The following MED23 variants were observed in gnomAD, a reference collection of about 807,000 sequenced individuals.
The protein encoded by MED23 is mediator complex subunit 23, also known as mediator of RNA polymerase II transcription subunit 23.
MED23 carries 105 observed loss-of-function variants against 163.9 expected under a neutral mutation model. That is an observed-to-expected ratio of 0.64 (90% CI 0.55 to 0.75). The LOEUF (loss-of-function observed/expected upper bound fraction) is 0.75, where lower values mean the gene tolerates loss of function less well. Among genes scored for constraint, MED23 ranks in the 30% least tolerant of loss-of-function variants. The pLI is 0.00. For missense variants in MED23, 1,054 were observed against 1,649.0 expected, an observed-to-expected ratio of 0.64 and a Z score of 6.25; for synonymous variants, 561 against 565.6, an observed-to-expected ratio of 0.99 and a Z score of 0.12.
intron 30 of MED23, among the ~76,000 whole-genome samples, chr6:131,574,658 A>C (rs1032683970): frequency 4.6e-5 from 7 of 152,172 alleles, no homozygotes; most frequent in Admixed American, 3.9e-4. Flanking sequence ...TGGCCAACAT[A>C]TAAGTATTTG....
At chr6:131,619,801 TGGCA>T (rs1776955982) in intron 8 of MED23, 22 bp downstream of exon 8, 1 of 1,517,884 alleles carries the variant, frequency 6.6e-7, no homozygotes, top group Non-Finnish European at 9.1e-7. Flanking sequence ...AGGTACTATT[TGGCA>T]TATTTAAAAT....
At chr6:131,599,163 T>C (rs1282413338) in intron 18 of MED23, among the ~76,000 whole-genome samples, 1 of 152,238 alleles carries the variant, frequency 6.6e-6, no homozygotes, top group East Asian at 1.9e-4. Context: ...GGTATCAGCA[T>C]CATCTGGGTC....
At chr6:131,597,623 T>C in intron 20 of MED23, among the ~76,000 whole-genome samples, 1 of 151,912 alleles carries the variant, frequency 6.6e-6, no homozygotes, top group Non-Finnish European at 1.5e-5. Context: ...CACAGTGACT[T>C]ACTGCTACTT....
Position 131,600,287 on chromosome 6 carries a change from T to C in MED23, c.2096-125A>G, listed in dbSNP as rs1775369200. ...CACTGCAGTGCATTCACTGCTTAAC[T>C]AGTTATATTCAGCTTAGAACCTAAA... On this transcript the variant is annotated intron_variant, in intron 17 of 28. Transcript: ENST00000368068. 7.4e-6 allele frequency: 7 copies of C among 943,076 alleles called. No individual in the cohort carries two copies. The South Asian group carries it at 1.0e-4, about 14-fold the overall frequency. 58.4% of individuals were successfully genotyped at this position (943,076 alleles called of 1,614,324 possible). A position where few individuals can be genotyped will look rare whatever the true frequency, so the allele number is the denominator to read the frequency against.
intron 10 of MED23, among the ~76,000 whole-genome samples, chr6:131,615,503 C>CA (rs917020235): frequency 0.019 from 264 of 14,146 alleles, 72 homozygotes; most frequent in African/African-American, 0.029. Flanking sequence ...AAACACACAC[C>CA]AAAAAAAAAA....
chr6:131,582,602 G>T (rs1340216445), downstream of MED23: 1 of 1,596,978 alleles, frequency 6.3e-7, no homozygotes, highest in Non-Finnish European at 8.6e-7. Flanking sequence ...ATAACCAAGT[G>T]AAAACATTGT....
At chr6:131,584,363 AACACACACACACACACAC>A (rs3138772), downstream of MED23, 2 of 158,306 alleles carry the variant, frequency 1.3e-5, no homozygotes, top group South Asian at 1.7e-4. Flanking sequence ...AAATACATGC[AACACACACACACACACAC>A]ACACACACAC....
At chr6:131,627,738 G>T in intron 1 of MED23, 66 bp from the exon 2 acceptor site, 2 of 1,427,846 alleles carry the variant, frequency 1.4e-6, no homozygotes, top group Non-Finnish European at 2.0e-6. Context: ...CCTTAGCCAA[G>T]TATTACAATG....
In MED23 at chr6:131,609,746, G is replaced by GTA. The variant is rs371814268; in HGVS notation, c.1077+298_1077+299dup. 3.3e-3 allele frequency among the ~76,000 whole-genome samples: 463 copies of GTA among 139,942 alleles called. 1 individual carries two copies. The highest frequency in any genetic ancestry group is 7.1e-3 in the African/African-American group (258 of 36,440). 91.8% of individuals were successfully genotyped at this position (139,942 alleles called of 152,430 possible). A position where few individuals can be genotyped will look rare whatever the true frequency, so the allele number is the denominator to read the frequency against. On this transcript the variant is annotated intron_variant, in intron 11 of 28. Transcript: ENST00000368068. ...TATATACACATACATATATATATAT[G>GTA]TATATATATATATATAAAGTATCCC...
intron 17 of MED23, among the ~76,000 whole-genome samples, chr6:131,601,994 A>AT (rs1775520060): frequency 6.6e-6 from 1 of 152,204 alleles, no homozygotes; most frequent in Non-Finnish European, 1.5e-5. Flanking sequence ...TTACTACTTT[A>AT]AAATTATGGA....
Position 131,594,244 on chromosome 6 carries a change from C to A in MED23, c.3087G>T (p.Ala1029=), listed in dbSNP as rs535835226. ...GATTATCCTTCAGAGAGCCAATGAT[C>A]GCATGGACGAGTTTTCGTTTGAGAA... is the stretch of plus-strand genomic sequence containing the variant. ...RAFLKRKLVH[A]IIGSLKDNRP... The change falls in exon 23 of 29, where the codon GCG becomes GCT. Residue 1029 remains alanine, a synonymous_variant. Coordinates refer to ENST00000368068, the MANE Select transcript of MED23 (RefSeq NM_004830.4). 3.1e-6 allele frequency: 5 copies of A among 1,614,106 alleles called. No homozygotes were observed. The South Asian group carries it at 3.3e-5, about 11-fold the overall frequency.
chr6:131,607,370 C>T (rs1775932348), intron 12 of MED23, among the ~76,000 whole-genome samples: 1 of 151,956 alleles, frequency 6.6e-6, no homozygotes, highest in African/African-American at 2.4e-5. Context: ...CACGGCGAAA[C>T]CCTGTCTCTA....
intron 12 of MED23, 21 bp from the exon 13 acceptor site, chr6:131,606,645 A>G: frequency 6.4e-7 from 1 of 1,564,536 alleles, no homozygotes; most frequent in Non-Finnish European, 8.8e-7. Flanking sequence ...ACAATTTGAA[A>G]AATAACACAA....
intron 11 of MED23, among the ~76,000 whole-genome samples, chr6:131,608,564 A>C (rs1362805152): frequency 6.6e-6 from 1 of 151,656 alleles, no homozygotes; most frequent in East Asian, 1.9e-4. Context: ...TTGTTTATTT[A>C]TATGTATCTT....
chr6:131,591,755 C>T (rs1319621660), intron 25 of MED23: 2 of 590,248 alleles, frequency 3.4e-6, no homozygotes, highest in African/African-American at 3.7e-5. Context: ...CATTTAGGTA[C>T]CTGATATACA....
At chr6:131,614,437 C>A (rs1196861052) in intron 10 of MED23, among the ~76,000 whole-genome samples, 1 of 152,052 alleles carries the variant, frequency 6.6e-6, no homozygotes, top group Non-Finnish European at 1.5e-5. Context: ...TTTTTAAAAT[C>A]AAAAAGCTGG....
chr6:131,590,404 T>A lies in MED23; in HGVS notation c.3725A>T (p.Glu1242Val). ...TEVLLPIVKT[E>V]FQLLYVYHLV... ...ATGGTATACATAAAGCAACTGGAAT[T>A]CGGTCTTCACTATAGGAAGAAGTAC... The change falls in exon 27 of 29, where the codon GAA becomes GTA. Residue 1242 changes from glutamate (E) to valine (V), a missense_variant. By Grantham distance (121) the Glu-to-Val change is moderately radical. Transcript: ENST00000368068. The A allele has an allele frequency of 6.2e-7, 1 of 1,608,608 alleles. No homozygotes were observed. Among genetic ancestry groups the A allele is most frequent in the Non-Finnish European group, 8.5e-7 (1 of 1,175,226 alleles).
At chr6:131,605,013 A>G (rs1185048221) in intron 14 of MED23, among the ~76,000 whole-genome samples, 2 of 152,218 alleles carry the variant, frequency 1.3e-5, no homozygotes, top group Non-Finnish European at 2.9e-5. Context: ...AATTTTTATA[A>G]TGCTTATCTC....
Position 131,600,141 on chromosome 6 carries a change from G to C in MED23, c.2117C>G (p.Ser706Ter). The change falls in exon 18 of 29, where the codon TCA (serine) becomes TGA (stop). Residue 706 changes from serine to a stop codon, truncating the protein, a stop_gained. Transcript: ENST00000368068. LOFTEE classifies it high-confidence loss of function. The part of the protein sequence containing the change: ...HVTDFFTGSD[S>*]IQGTWCKDIL... ...GTCTTTACACCAAGTTCCCTGAATTGAATCAGAGCCTGTAAAAAAATCTAA... is the reference window on the plus strand; with the variant it reads ...GTCTTTACACCAAGTTCCCTGAATTCAATCAGAGCCTGTAAAAAAATCTAA... The C allele has an allele frequency of 6.2e-7, 1 of 1,610,936 alleles. No homozygotes were observed. Among genetic ancestry groups the C allele is most frequent in the Non-Finnish European group, 8.5e-7 (1 of 1,177,210 alleles).
Sources: allele counts gnomAD v4.1 joint callset (sites outside exome capture counted in the v4.1 genomes callset), GRCh38; gene constraint gnomAD v4.1.1; transcripts MANE v1.5; gene names NCBI Gene and HGNC (gene_info 2026-07-23, HGNC 2026-07-21).